The following ABCC1 variants were observed in gnomAD, a reference collection of about 807,000 sequenced individuals.
ABCC1 encodes ATP binding cassette subfamily C member 1 (ABCC1 blood group).
A neutral mutation model predicts 172.9 loss-of-function variants in ABCC1; 83 were observed. The observed-to-expected ratio is 0.48, with a 90% CI of 0.40 to 0.58. The LOEUF is 0.58. Among genes scored for constraint, ABCC1 ranks in the 20% least tolerant of loss-of-function variants. The pLI is 0.00. For synonymous variants in ABCC1, 937 were observed against 825.2 expected (o/e 1.14, Z -2.32); for missense variants, 1,817 against 2,002.7 (o/e 0.91, Z 1.77).
rs118157905 is a variant in ABCC1 at position 16,103,833 on chromosome 16, G to A, written c.2735+1116G>A. Among the ~76,000 whole-genome samples the A allele has an allele frequency of 9.2e-5, 14 of 152,286 alleles. No homozygotes were observed. The East Asian group carries it at 1.9e-3, about 21-fold the overall frequency. On this transcript the variant is annotated intron_variant, in intron 20 of 30. Transcript: ENST00000399410. ...GACATGGTTATGGTCCGGAATTGGT[G>A]GGTCTTGGTCTCACTGACTTCAAGA...
intron 5 of ABCC1, among the ~76,000 whole-genome samples, chr16:16,020,259 T>C (rs1383192510): frequency 6.6e-6 from 1 of 152,160 alleles, no homozygotes; most frequent in Non-Finnish European, 1.5e-5. Flanking sequence ...CAGCAGGGTG[T>C]CAAATGTGGG....
intron 5 of ABCC1, among the ~76,000 whole-genome samples, chr16:16,018,612 C>T (rs896053166): frequency 6.6e-6 from 1 of 151,890 alleles, no homozygotes; most frequent in Non-Finnish European, 1.5e-5. Flanking sequence ...TTGGTATTTC[C>T]TTGCCCAAAG....
intron 12 of ABCC1, among the ~76,000 whole-genome samples, chr16:16,057,185 AAAAAAAAAAAAAAG>A (rs2049692321): frequency 7.1e-6 from 1 of 141,526 alleles, no homozygotes; most frequent in South Asian, 2.2e-4. Flanking sequence ...CTGCTTAAAA[AAAAAAAAAAAAAAG>A]AAAGAAAAAA....
At chr16:15,993,073 A>C (rs947381697) in intron 1 of ABCC1, among the ~76,000 whole-genome samples, 4 of 152,156 alleles carry the variant, frequency 2.6e-5, no homozygotes, top group African/African-American at 7.2e-5. Flanking sequence ...CACAGCAGGT[A>C]CTGCTCTTTG....
At chr16:16,051,455 C>G (rs1347725769) in intron 10 of ABCC1, among the ~76,000 whole-genome samples, 1 of 152,086 alleles carries the variant, frequency 6.6e-6, no homozygotes, top group Non-Finnish European at 1.5e-5. Flanking sequence ...TTACAGGTGT[C>G]AGTCACTGCA....
At chr16:16,132,511 T>TTG (rs2045737632) in intron 27 of ABCC1, among the ~76,000 whole-genome samples, 4 of 19,284 alleles carry the variant, frequency 2.1e-4, no homozygotes, top group African/African-American at 2.8e-4. Context: ...TGGTTGGTTG[T>TTG]TTTTTTTTTT....
chr16:16,129,830 G>A (rs995412354), intron 26 of ABCC1, among the ~76,000 whole-genome samples: 6 of 152,142 alleles, frequency 3.9e-5, no homozygotes, highest in Non-Finnish European at 7.4e-5. Flanking sequence ...GAGCCACTGC[G>A]CCGGCAACGC....
intron 1 of ABCC1, among the ~76,000 whole-genome samples, chr16:15,957,851 T>TA (rs1234648219): frequency 6.6e-6 from 1 of 152,110 alleles, no homozygotes; most frequent in East Asian, 1.9e-4. Context: ...CTCGGCCTCC[T>TA]AAAGTGCTGG....
chr16:16,114,686 G>A (rs1030047852), intron 22 of ABCC1, 80 bp from the exon 23 acceptor site: 30 of 1,392,260 alleles, frequency 2.2e-5, no homozygotes, highest in Middle Eastern at 2.0e-4. Context: ...GGCCTGCCTC[G>A]TCCACATGGC....
At chr16:16,016,150 T>TG (rs34630818) in intron 4 of ABCC1, among the ~76,000 whole-genome samples, 2 of 3,158 alleles carry the variant, frequency 6.3e-4, no homozygotes, top group Admixed American at 5.7e-3. Context: ...GTGATCTTGG[T>TG]TTTTTTTTTT....
chr16:16,139,340 G>A (rs527359965), intron 30 of ABCC1, among the ~76,000 whole-genome samples: 60 of 151,962 alleles, frequency 3.9e-4, no homozygotes, highest in African/African-American at 1.2e-3. Flanking sequence ...GGCCAGGTGC[G>A]GTGGCTCACG....
intron 5 of ABCC1, among the ~76,000 whole-genome samples, chr16:16,027,978 T>A (rs1567327119): frequency 6.6e-6 from 1 of 152,166 alleles, no homozygotes; most frequent in Non-Finnish European, 1.5e-5. Context: ...TCATTTAATC[T>A]TCACCACCAA....
intron 27 of ABCC1, among the ~76,000 whole-genome samples, chr16:16,132,375 T>C (rs911215233): frequency 6.6e-6 from 1 of 151,166 alleles, no homozygotes; most frequent in East Asian, 2.0e-4. Flanking sequence ...GGTCCTACTA[T>C]GTTGTCCAGG....
intron 22 of ABCC1, among the ~76,000 whole-genome samples, chr16:16,114,412 C>G (rs2044754056): frequency 6.6e-6 from 1 of 151,684 alleles, no homozygotes; most frequent in African/African-American, 2.4e-5. Context: ...GCAGTCTTGG[C>G]TCACTGCAAC....
At position 16,088,124 on chromosome 16, in the gene ABCC1, C is replaced by CGTGTGTGT. The variant is rs60633005; in HGVS notation, c.2460+1153_2460+1160dup. Among the ~76,000 whole-genome samples, 32 of 126,846 alleles carry CGTGTGTGT rather than the reference C, an allele frequency of 2.5e-4. No individual in the cohort carries two copies. In the South Asian group the frequency reaches 4.9e-3, roughly 19 times the overall value. The allele number at this position is 126,846 out of a possible 152,430, so 83.2% of individuals were successfully genotyped here. A position where few individuals can be genotyped will look rare whatever the true frequency, so the allele number is the denominator to read the frequency against. ...TCTTCTTATAATATATGTGTGTATG[C>CGTGTGTGT]GTGTGTGTGTGTGTGTGTGTGTGTG... is the stretch of plus-strand genomic sequence containing the variant. On this transcript the variant is annotated intron_variant, in intron 18 of 30. Coordinates refer to ENST00000399410, the MANE Select transcript of ABCC1 (RefSeq NM_004996.4).
intron 21 of ABCC1, among the ~76,000 whole-genome samples, chr16:16,107,154 G>A (rs990007332): frequency 2.0e-5 from 3 of 152,114 alleles, no homozygotes; most frequent in Non-Finnish European, 4.4e-5. Flanking sequence ...AGCTCAGGGG[G>A]GTCTCATTCG....
At chr16:16,057,987 C>T (rs78350709) in intron 12 of ABCC1, among the ~76,000 whole-genome samples, 2,833 of 152,184 alleles carry the variant, frequency 0.019, 58 homozygotes, top group East Asian at 0.085. Flanking sequence ...CGTGCAGATG[C>T]GCCCTGCTGG....
chr16:16,022,238 A>C (rs2151789994), intron 5 of ABCC1, among the ~76,000 whole-genome samples: 1 of 152,242 alleles, frequency 6.6e-6, no homozygotes, highest in African/African-American at 2.4e-5. Context: ...AATCCTCCCC[A>C]GCTGGCCCTG....
chr16:16,068,343 G>C (rs768978947), intron 13 of ABCC1, 41 bp downstream of exon 13: 2 of 1,609,462 alleles, frequency 1.2e-6, no homozygotes, highest in East Asian at 4.5e-5. Flanking sequence ...AGGGGGCCTT[G>C]GGGTTCTAGG....
Sources: gnomAD v4.1 joint callset for allele counts (sites outside exome capture counted in the v4.1 genomes callset) on GRCh38, gnomAD v4.1.1 for gene constraint, MANE v1.5 for transcripts, NCBI Gene and HGNC (gene_info 2026-07-23, HGNC 2026-07-21) for gene names.